Variants in MYO3A observed in about 807,000 individuals in gnomAD.
The protein encoded by MYO3A is myosin IIIA.
Under a neutral mutation model 192.7 loss-of-function variants are expected in MYO3A, and 180 were observed. That is an observed-to-expected ratio of 0.93 (90% confidence interval 0.83 to 1.06). MYO3A has a LOEUF of 1.06. MYO3A is among the 50% of genes least tolerant of loss of function. The pLI, the probability that MYO3A is intolerant of heterozygous loss-of-function variation, is 0.00. For synonymous variants in MYO3A, 628 were observed against 645.3 expected, an observed-to-expected ratio of 0.97 and a Z score of 0.41; for missense variants, 1,896 against 1,905.0, an observed-to-expected ratio of 1.00 and a Z score of 0.09.
chr10:25,945,343 C>T (rs1056573024), intron 2 of MYO3A, among the ~76,000 whole-genome samples: 4 of 152,044 alleles, frequency 2.6e-5, no homozygotes, highest in Non-Finnish European at 4.4e-5. Context: ...TGTATTCTGT[C>T]ACTGTTGGGT....
At chr10:25,955,088 A>G in intron 4 of MYO3A, 80 bp downstream of exon 4, 1 of 1,538,684 alleles carries the variant, frequency 6.5e-7, no homozygotes, top group Middle Eastern at 1.7e-4. Context: ...TTTATGTAAC[A>G]TTGATATCAT....
intron 17 of MYO3A, among the ~76,000 whole-genome samples, chr10:26,101,801 C>T (rs1417126428): frequency 6.6e-6 from 1 of 152,158 alleles, no homozygotes; most frequent in Non-Finnish European, 1.5e-5. Flanking sequence ...TGTGGGTAAG[C>T]CGACCTTTCT....
At chr10:26,063,119 G>T (rs4998840) in intron 10 of MYO3A, among the ~76,000 whole-genome samples, 71,621 of 151,662 alleles carry the variant, frequency 0.47, 17,732 homozygotes, top group Middle Eastern at 0.59. Context: ...AATCTTTCAT[G>T]TGTGAGTTCT....
chr10:26,126,217 C>T (rs1267574897), intron 19 of MYO3A, among the ~76,000 whole-genome samples: 1 of 152,102 alleles, frequency 6.6e-6, no homozygotes, highest in Non-Finnish European at 1.5e-5. Flanking sequence ...TGAGTGCTCT[C>T]TATAGGCAGG....
chr10:26,049,149 C>T (rs1043169016), intron 10 of MYO3A, among the ~76,000 whole-genome samples: 2 of 152,164 alleles, frequency 1.3e-5, no homozygotes, highest in Non-Finnish European at 2.9e-5. Context: ...ACAAGAGCCA[C>T]CTCTGTAGAG....
At chr10:26,092,205 C>T (rs1450379355) in intron 15 of MYO3A, among the ~76,000 whole-genome samples, 1 of 152,186 alleles carries the variant, frequency 6.6e-6, no homozygotes, top group Non-Finnish European at 1.5e-5. Context: ...CGGTGGCTCA[C>T]GCCTGTAATC....
intron 10 of MYO3A, among the ~76,000 whole-genome samples, chr10:26,040,615 A>G (rs1216898996): frequency 1.3e-5 from 2 of 152,142 alleles, no homozygotes; most frequent in Admixed American, 6.5e-5. Context: ...AAGTTATCTT[A>G]GGGTAAACAC....
intron 26 of MYO3A, among the ~76,000 whole-genome samples, chr10:26,160,661 TA>T (rs1841441815): frequency 1.3e-5 from 2 of 151,032 alleles, no homozygotes; most frequent in South Asian, 2.1e-4. Flanking sequence ...AAATGAAAAA[TA>T]AAAAAATAAG....
intron 4 of MYO3A, among the ~76,000 whole-genome samples, chr10:25,969,794 C>T (rs563346074): frequency 2.0e-5 from 3 of 152,040 alleles, no homozygotes; most frequent in South Asian, 2.1e-4. Flanking sequence ...GATTGTAATA[C>T]CCAACTACAA....
chr10:25,958,680 G>A (rs1162274123), intron 4 of MYO3A, among the ~76,000 whole-genome samples: 2 of 152,070 alleles, frequency 1.3e-5, no homozygotes, highest in African/African-American at 4.8e-5. Flanking sequence ...ATTGCTTTGG[G>A]GAAGTATGGC....
At chr10:26,184,816 C>T (rs938965167) in intron 31 of MYO3A, among the ~76,000 whole-genome samples, 2 of 152,166 alleles carry the variant, frequency 1.3e-5, no homozygotes, top group Admixed American at 6.5e-5. Context: ...ATGCTAGTAC[C>T]CACATTGATA....
intron 17 of MYO3A, among the ~76,000 whole-genome samples, chr10:26,098,394 G>A (rs12385769): frequency 0.027 from 4,057 of 152,252 alleles, 202 homozygotes; most frequent in African/African-American, 0.092. Context: ...TTCTTTTGCT[G>A]TGCAGAAGCT....
Position 26,170,444 on chromosome 10 carries a change from A to C in MYO3A, c.3303A>C (p.Gln1101His). ...SAARGHLVRK[Q>H]RKEIVDMKNT... The stretch of plus-strand genomic sequence containing the variant: ...CAAGAGGACACCTTGTCAGGAAACA[A>C]AGAAAAGAAATTGTTGACATGAAAA... Residue 1101 changes from glutamine to histidine, a missense_variant, in exon 29 of 35, where the codon CAA becomes CAC. Physicochemically the swap from Gln to His is conservative, Grantham distance 24. Coordinates refer to ENST00000642920, the MANE Select transcript of MYO3A (RefSeq NM_017433.5). 8 of 1,613,720 alleles carry C rather than the reference A, an allele frequency of 5.0e-6. No homozygotes were observed. The highest frequency in any genetic ancestry group is 6.8e-6 in the Non-Finnish European group (8 of 1,179,768).
At position 26,165,839 on chromosome 10, in the gene MYO3A, T is replaced by A. The variant is rs1347748387; in HGVS notation, c.3000-228T>A. The A allele has an allele frequency of 3.9e-5, 23 of 596,770 alleles. No individual in the cohort carries two copies. The East Asian group carries it at 6.5e-4, about 17-fold the overall frequency. 37.0% of individuals were successfully genotyped at this position (596,770 alleles called of 1,614,324 possible). Reference sequence around the variant, plus strand: ...TGCAGTATTAAGTTTTGAAAGGTGATCACAAAGGTGAAAACACAATGCTCA... The same window carrying A: ...TGCAGTATTAAGTTTTGAAAGGTGAACACAAAGGTGAAAACACAATGCTCA... On this transcript the variant is annotated intron_variant, in intron 26 of 34. Coordinates refer to ENST00000642920, the MANE Select transcript of MYO3A (RefSeq NM_017433.5).
At chr10:26,082,963 G>A (rs1198187950) in intron 14 of MYO3A, among the ~76,000 whole-genome samples, 1 of 152,112 alleles carries the variant, frequency 6.6e-6, no homozygotes, top group Non-Finnish European at 1.5e-5. Flanking sequence ...ATGACTTTTG[G>A]AATATGATAT....
intron 18 of MYO3A, among the ~76,000 whole-genome samples, chr10:26,121,257 C>G (rs1838843129): frequency 6.6e-6 from 1 of 151,344 alleles, no homozygotes; most frequent in Admixed American, 6.6e-5. Context: ...AGAAGCATGT[C>G]ATAGTATTTG....
At chr10:26,004,283 G>C (rs1841039669) in intron 6 of MYO3A, among the ~76,000 whole-genome samples, 1 of 152,106 alleles carries the variant, frequency 6.6e-6, no homozygotes, top group African/African-American at 2.4e-5. Context: ...GAAGAGACTG[G>C]TTACCTAAAG....
intron 27 of MYO3A, among the ~76,000 whole-genome samples, chr10:26,166,679 A>T (rs573627305): frequency 6.6e-6 from 1 of 152,378 alleles, no homozygotes; most frequent in South Asian, 2.1e-4. Flanking sequence ...CTAGTTTATC[A>T]CTACTAAATA....
At chr10:26,049,801 G>A (rs899138857) in intron 10 of MYO3A, among the ~76,000 whole-genome samples, 14 of 148,034 alleles carry the variant, frequency 9.5e-5, no homozygotes, top group East Asian at 6.3e-4. Flanking sequence ...TCAGCCTCCC[G>A]AGTAGCTGGG....
Sources: allele counts gnomAD v4.1 joint callset (sites outside exome capture counted in the v4.1 genomes callset), GRCh38; gene constraint gnomAD v4.1.1; transcripts MANE v1.5; gene names NCBI Gene and HGNC (gene_info 2026-07-23, HGNC 2026-07-21).